MFAP3: variants seen among roughly 807,000 people sequenced by gnomAD.
MFAP3 encodes the protein microfibril associated protein 3.
Under a neutral mutation model 20.5 loss-of-function variants are expected in MFAP3, and 8 were observed. The observed-to-expected ratio is 0.39, with a 90% CI of 0.23 to 0.70. The LOEUF is 0.70. MFAP3 is among the 30% of genes least tolerant of loss of function. The pLI, the probability that MFAP3 is intolerant of heterozygous loss-of-function variation, is 0.44. For missense variants in MFAP3, 398 were observed against 444.6 expected, an observed-to-expected ratio of 0.90 and a Z score of 0.94; for synonymous variants, 140 against 154.0, an observed-to-expected ratio of 0.91 and a Z score of 0.67.
Position 154,053,711 on chromosome 5 carries a change from T to A in MFAP3, c.1087T>A (p.Ter363LysextTer5). 1 of 1,607,294 alleles carries A rather than the reference T, an allele frequency of 6.2e-7. No homozygotes were observed. Among genetic ancestry groups the A allele is most frequent in the Non-Finnish European group, 8.5e-7 (1 of 1,175,838 alleles). Residue 363 changes from the stop codon to lysine (K), a stop_lost, in exon 3 of 3, where the codon TAA (stop) becomes AAA (lysine). Coordinates refer to ENST00000522782, the MANE Select transcript of MFAP3 (RefSeq NM_005927.5). ...TGGGGCATATGAAAACTGTCAGCTG[T>A]AACCTACAATGCTGTAACCCAGTAC... ...KDGAYENCQL[*>K]
At chr5:154,048,066 TA>T (rs921568820) in intron 1 of MFAP3, among the ~76,000 whole-genome samples, 2 of 152,172 alleles carry the variant, frequency 1.3e-5, no homozygotes, top group African/African-American at 4.8e-5. Context: ...CACCCCCTCT[TA>T]AAAAAGAGAC....
At position 154,042,690 on chromosome 5, in the gene MFAP3, C is replaced by T. The variant is rs1772982389; in HGVS notation, c.-167+3679C>T. Among the ~76,000 whole-genome samples the T allele has an allele frequency of 2.0e-5, 3 of 152,078 alleles. No homozygotes were observed. The South Asian group carries it at 6.2e-4, about 32-fold the overall frequency. On this transcript the variant is annotated intron_variant, in intron 1 of 2. Coordinates refer to ENST00000522782, the MANE Select transcript of MFAP3 (RefSeq NM_005927.5). ...TTGCCGATTCAGAATGCTGCTTTGT[C>T]AATTTGTGTGCCTGCTGTAGGAACT...
chr5:154,051,257 A>G (rs1190417496), intron 2 of MFAP3, among the ~76,000 whole-genome samples: 1 of 152,138 alleles, frequency 6.6e-6, no homozygotes, highest in Admixed American at 6.5e-5. Context: ...CTGACCAAAC[A>G]CCTCTGAGAT....
chr5:154,056,313 T>C lies in MFAP3; in HGVS notation c.*2600T>C, dbSNP rs1773331239. Among the ~76,000 whole-genome samples the C allele has an allele frequency of 6.6e-6, 1 of 152,198 alleles. No homozygotes were observed. Among genetic ancestry groups the C allele is most frequent in the African/African-American group, 2.4e-5 (1 of 41,438 alleles). On this transcript the variant is annotated 3_prime_UTR_variant, in exon 3 of 3. Transcript: ENST00000522782. ...GCTTATGGTGCCATTGATGAGGAAT[T>C]AAAGTAGGTCAAAATTTAATTGGAG...
intron 2 of MFAP3, 126 bp downstream of exon 2, chr5:154,050,143 G>T (rs1773154881): frequency 2.0e-6 from 2 of 1,000,330 alleles, no homozygotes; most frequent in Non-Finnish European, 2.8e-6. Context: ...ACATTTGAAA[G>T]GTCTGGAGTG....
Position 154,055,994 on chromosome 5 carries a change from T to G in MFAP3, c.*2281T>G, listed in dbSNP as rs936831461. Among the ~76,000 whole-genome samples, 6 of 152,206 alleles carry G rather than the reference T, an allele frequency of 3.9e-5. No homozygotes were observed. Among genetic ancestry groups the G allele is most frequent in the African/African-American group, 1.4e-4 (6 of 41,458 alleles). On this transcript the variant is annotated 3_prime_UTR_variant, in exon 3 of 3. Coordinates refer to ENST00000522782, the MANE Select transcript of MFAP3 (RefSeq NM_005927.5). ...TAGTACTTTCAACCCTGTCCTAACA[T>G]AGCAGGTTTGCAGTAATCTTTTAGA...
Position 154,056,607 on chromosome 5 carries a change from G to A in MFAP3, c.*2894G>A, listed in dbSNP as rs528913964. Among the ~76,000 whole-genome samples, 29 of 152,162 alleles carry A rather than the reference G, an allele frequency of 1.9e-4. No individual in the cohort carries two copies. The highest frequency in any genetic ancestry group is 6.3e-4 in the African/African-American group (26 of 41,514). ...TGTCATCTCATTTGTAAATTTTGTC[G>A]TGTATTGTGATATAGTGAACCTTAT... On this transcript the variant is annotated 3_prime_UTR_variant, in exon 3 of 3. Coordinates refer to ENST00000522782, the MANE Select transcript of MFAP3 (RefSeq NM_005927.5).
chr5:154,042,960 A>G (rs1772989901), intron 1 of MFAP3, among the ~76,000 whole-genome samples: 1 of 152,194 alleles, frequency 6.6e-6, no homozygotes. Flanking sequence ...AATCAGCCAT[A>G]TTACTTCCTT....
rs1184184793 is a variant in MFAP3, at chr5:154,057,136, G to A, written c.*3423G>A. On this transcript the variant is annotated 3_prime_UTR_variant, in exon 3 of 3. Coordinates refer to ENST00000522782, the MANE Select transcript of MFAP3 (RefSeq NM_005927.5). ...TTCTAGAGCCCAGCCAGTCATGGGT[G>A]CTAGCCTAGTCTCCACACACCAGCA... Among the ~76,000 whole-genome samples, 2 of 152,152 alleles carry A rather than the reference G, an allele frequency of 1.3e-5. No homozygotes were observed. Among genetic ancestry groups the A allele is most frequent in the Non-Finnish European group, 2.9e-5 (2 of 68,042 alleles).
At position 154,053,678 on chromosome 5, in the gene MFAP3, T is replaced by A. The variant is rs756341490; in HGVS notation, c.1054T>A (p.Tyr352Asn). ...DIGSAESNCN[Y>N]KDGAYENCQL is the part of the protein sequence containing the mutation. ...AGGATCTGCAGAATCTAACTGTAAC[T>A]ACAAAGATGGGGCATATGAAAACTG... Residue 352 changes from tyrosine to asparagine, a missense_variant, in exon 3 of 3, where the codon TAC (tyrosine) becomes AAC (asparagine). Transcript: ENST00000522782. The A allele has an allele frequency of 6.2e-7, 1 of 1,613,250 alleles. No homozygotes were observed. The highest frequency in any genetic ancestry group is 1.1e-5 in the South Asian group (1 of 91,022).
chr5:154,043,727 A>AAC (rs1773014652), intron 1 of MFAP3, among the ~76,000 whole-genome samples: 4 of 114,716 alleles, frequency 3.5e-5, no homozygotes, highest in South Asian at 2.9e-4. Flanking sequence ...CAGCAGGCAT[A>AAC]ATATATATAT....
chr5:154,043,930 C>A (rs1432545046), intron 1 of MFAP3, among the ~76,000 whole-genome samples: 1 of 152,098 alleles, frequency 6.6e-6, no homozygotes, highest in African/African-American at 2.4e-5. Flanking sequence ...ATCATATGTT[C>A]AAAGCATGCA....
chr5:154,051,891 A>G (rs1297135551), intron 2 of MFAP3: 6 of 152,148 alleles, frequency 3.9e-5, no homozygotes, highest in Non-Finnish European at 7.3e-5. Flanking sequence ...GCAGTCCGCT[A>G]ACCTCCTCTG....
Position 154,053,450 on chromosome 5 carries a change from G to C in MFAP3, c.826G>C (p.Ala276Pro). The C allele has an allele frequency of 1.2e-6, 2 of 1,613,944 alleles. No homozygotes were observed. The highest frequency in any genetic ancestry group is 1.7e-6 in the Non-Finnish European group (2 of 1,179,948). ...GGGTGAAAGAATTAAAGAGAGACCTGCCTTGAATGCTCAAGGTGGCATCTA... is the reference window on the plus strand; with the variant it reads ...GGGTGAAAGAATTAAAGAGAGACCTCCCTTGAATGCTCAAGGTGGCATCTA... ...DLGERIKERP[A>P]LNAQGGIYVI... is the part of the protein sequence containing the mutation. Residue 276 changes from alanine (A) to proline (P), a missense_variant, in exon 3 of 3, where the codon GCC (alanine) becomes CCC (proline). Coordinates refer to ENST00000522782, the MANE Select transcript of MFAP3 (RefSeq NM_005927.5).
intron 1 of MFAP3, among the ~76,000 whole-genome samples, chr5:154,043,277 C>T (rs1461880761): frequency 6.6e-6 from 1 of 152,076 alleles, no homozygotes; most frequent in African/African-American, 2.4e-5. Context: ...AGGCTGGGCG[C>T]GGTGGCTCAC....
intron 1 of MFAP3, among the ~76,000 whole-genome samples, chr5:154,047,461 G>A (rs981560050): frequency 1.3e-5 from 2 of 152,172 alleles, no homozygotes; most frequent in East Asian, 1.9e-4. Flanking sequence ...GGAGATGGCA[G>A]GTTAAGAAAT....
At position 154,056,489 on chromosome 5, in the gene MFAP3, A is replaced by C. The variant is rs561616315; in HGVS notation, c.*2776A>C. Among the ~76,000 whole-genome samples the C allele has an allele frequency of 2.6e-5, 4 of 152,310 alleles. No individual in the cohort carries two copies. In the East Asian group the frequency reaches 5.8e-4, roughly 22 times the overall value. ...TTTTGAACTTCAACTACAGTCTAAA[A>C]GTCTTGATGGTAACTATAGTGTAAT... On this transcript the variant is annotated 3_prime_UTR_variant, in exon 3 of 3. Coordinates refer to ENST00000522782, the MANE Select transcript of MFAP3 (RefSeq NM_005927.5).
chr5:154,051,921 T>G (rs1581866664), intron 2 of MFAP3: 1 of 152,134 alleles, frequency 6.6e-6, no homozygotes, highest in East Asian at 1.9e-4. Flanking sequence ...CTCTAGTCAT[T>G]GGAATGCATC....
rs1773264362 is a variant in MFAP3 at position 154,053,771 on chromosome 5, G to A, written c.*58G>A. 5 of 1,465,660 alleles carry A rather than the reference G, an allele frequency of 3.4e-6. No homozygotes were observed. The highest frequency in any genetic ancestry group is 1.4e-5 in the African/African-American group (1 of 70,608). 90.8% of individuals were successfully genotyped at this position (1,465,660 alleles called of 1,614,324 possible). On this transcript the variant is annotated 3_prime_UTR_variant, in exon 3 of 3. Coordinates refer to ENST00000522782, the MANE Select transcript of MFAP3 (RefSeq NM_005927.5). Reference sequence around the variant, plus strand: ...CAGCTCGCTCTCAGAAAAGGAACCTGTTTCTTAGAAGAAGTAACATTTTTG... The same window carrying A: ...CAGCTCGCTCTCAGAAAAGGAACCTATTTCTTAGAAGAAGTAACATTTTTG...
Sources: gnomAD v4.1 joint callset for allele counts (sites outside exome capture counted in the v4.1 genomes callset) on GRCh38, gnomAD v4.1.1 for gene constraint, MANE v1.5 for transcripts, NCBI Gene and HGNC (gene_info 2026-07-23, HGNC 2026-07-21) for gene names.